Variants in ADAMTS16 observed in about 807,000 individuals in gnomAD.
ADAMTS16 encodes the protein A disintegrin and metalloproteinase with thrombospondin motifs 16.
A neutral mutation model predicts 145.8 loss-of-function variants in ADAMTS16; 94 were observed. The ratio of observed to expected loss-of-function variants is 0.64; its 90% CI spans 0.55 to 0.77. The LOEUF (loss-of-function observed/expected upper bound fraction) is 0.77, where lower values mean the gene tolerates loss of function less well. Ranked by LOEUF, ADAMTS16 falls within the 30% of genes least tolerant of loss-of-function variation. The probability of loss-of-function intolerance (pLI) is 0.00; values close to 1 mark genes in which losing one functional copy is unlikely to be tolerated. For synonymous variants in ADAMTS16, 659 were observed against 604.3 expected (o/e 1.09, Z -1.33); for missense variants, 1,585 against 1,591.5 (o/e 1.00, Z 0.07).
At chr5:5,254,114 C>T (rs1737711619) in intron 17 of ADAMTS16, among the ~76,000 whole-genome samples, 1 of 152,150 alleles carries the variant, frequency 6.6e-6, no homozygotes, top group African/African-American at 2.4e-5. Context: ...TCCCAGTTAC[C>T]TCAAAGACTT....
At chr5:5,170,740 C>T (rs1036013985) in intron 3 of ADAMTS16, among the ~76,000 whole-genome samples, 3 of 151,780 alleles carry the variant, frequency 2.0e-5, no homozygotes, top group African/African-American at 7.3e-5. Context: ...TGTTTGAGCT[C>T]CTTATATATT....
At chr5:5,295,765 G>A (rs191746081) in intron 18 of ADAMTS16, among the ~76,000 whole-genome samples, 19 of 152,338 alleles carry the variant, frequency 1.2e-4, no homozygotes, top group Admixed American at 5.2e-4. Context: ...AATAGATCCA[G>A]AGAATACTCT....
intron 17 of ADAMTS16, among the ~76,000 whole-genome samples, chr5:5,245,966 A>G (rs1737427864): frequency 6.6e-6 from 1 of 152,192 alleles, no homozygotes; most frequent in Non-Finnish European, 1.5e-5. Flanking sequence ...GTAATGGGAC[A>G]TAAAACTCAA....
chr5:5,145,426 A>G (rs1475269340), intron 2 of ADAMTS16, among the ~76,000 whole-genome samples: 1 of 152,188 alleles, frequency 6.6e-6, no homozygotes, highest in Non-Finnish European at 1.5e-5. Flanking sequence ...TGCACTGAAT[A>G]TTCAGTGATG....
rs571263521 is a variant in ADAMTS16 at position 5,318,232 on chromosome 5, G to A, written c.3510G>A (p.Ser1170=). The A allele has an allele frequency of 8.6e-5, 135 of 1,563,034 alleles. 1 individual carries two copies. Among genetic ancestry groups the A allele is most frequent in the East Asian group, 1.2e-4 (5 of 42,838 alleles). ...GCTGCCTCCTGCACCAGAAGCCTTC[G>A]GCCTCCCTGGCCTGCAACACTCACT... ...ASGCLLHQKP[S]ASLACNTHFC... Residue 1170 remains serine (S), a synonymous_variant, in exon 22 of 23, where the codon TCG becomes TCA. Coordinates refer to ENST00000274181, the MANE Select transcript of ADAMTS16 (RefSeq NM_139056.4).
intron 18 of ADAMTS16, among the ~76,000 whole-genome samples, chr5:5,286,433 A>G (rs766127170): frequency 3.3e-5 from 5 of 152,212 alleles, no homozygotes; most frequent in African/African-American, 7.2e-5. Flanking sequence ...GATTCATTTG[A>G]TAAGTTTTGT....
intron 18 of ADAMTS16, among the ~76,000 whole-genome samples, chr5:5,300,813 C>T (rs1368764983): frequency 6.6e-6 from 1 of 152,184 alleles, no homozygotes; most frequent in Non-Finnish European, 1.5e-5. Context: ...CCCTGGAGAA[C>T]TTGAGGAAAG....
chr5:5,165,529 G>C (rs1579282649), intron 3 of ADAMTS16, among the ~76,000 whole-genome samples: 1 of 152,204 alleles, frequency 6.6e-6, no homozygotes, highest in African/African-American at 2.4e-5. Flanking sequence ...ATGACTAAGA[G>C]AAGAACTATT....
rs561673679 is a variant in ADAMTS16 at position 5,279,125 on chromosome 5, C to T, written c.2789+16342C>T. On this transcript the variant is annotated intron_variant, in intron 18 of 22. Transcript: ENST00000274181. ...TGCACTCCTCATTCCCAGTGCTGCC[C>T]TCCTTGTTCCAGCCCAGGCCTGTCA... Among the ~76,000 whole-genome samples, 4 of 152,290 alleles carry T rather than the reference C, an allele frequency of 2.6e-5. No homozygotes were observed. In the South Asian group the frequency reaches 6.2e-4, roughly 24 times the overall value.
At chr5:5,141,161 C>T (rs1326154695) in intron 2 of ADAMTS16, among the ~76,000 whole-genome samples, 1 of 152,196 alleles carries the variant, frequency 6.6e-6, no homozygotes, top group East Asian at 1.9e-4. Flanking sequence ...CCCAACCTTT[C>T]CTCCTTCTCC....
chr5:5,161,006 A>T (rs902182092), intron 3 of ADAMTS16, among the ~76,000 whole-genome samples: 2 of 152,230 alleles, frequency 1.3e-5, no homozygotes, highest in Non-Finnish European at 2.9e-5. Context: ...AAAATATCTT[A>T]AAAGCCCATA....
At chr5:5,181,184 C>T (rs570005703) in intron 3 of ADAMTS16, among the ~76,000 whole-genome samples, 1 of 152,286 alleles carries the variant, frequency 6.6e-6, no homozygotes, top group Non-Finnish European at 1.5e-5. Context: ...AGTTAACTCC[C>T]TGGAGTTGAA....
chr5:5,160,331 G>A (rs1734709345), intron 3 of ADAMTS16, among the ~76,000 whole-genome samples: 1 of 152,120 alleles, frequency 6.6e-6, no homozygotes, highest in African/African-American at 2.4e-5. Flanking sequence ...TGGATCTAAT[G>A]TCAATCCTAA....
intron 11 of ADAMTS16, among the ~76,000 whole-genome samples, chr5:5,227,677 G>T (rs548626777): frequency 6.6e-6 from 1 of 152,240 alleles, no homozygotes; most frequent in African/African-American, 2.4e-5. Context: ...TACTCTAACA[G>T]AAATAACAAA....
intron 17 of ADAMTS16, among the ~76,000 whole-genome samples, chr5:5,249,005 A>G (rs1473860064): frequency 6.6e-6 from 1 of 152,230 alleles, no homozygotes; most frequent in Non-Finnish European, 1.5e-5. Flanking sequence ...ATTGGCTTAC[A>G]TAATTCACTG....
At chr5:5,316,566 T>G (rs1017241159) in intron 21 of ADAMTS16, among the ~76,000 whole-genome samples, 3 of 152,178 alleles carry the variant, frequency 2.0e-5, no homozygotes, top group African/African-American at 7.2e-5. Flanking sequence ...TGGGTCCTGC[T>G]CATGTTCTGT....
chr5:5,254,578 G>T (rs138089284), intron 17 of ADAMTS16, among the ~76,000 whole-genome samples: 48 of 152,082 alleles, frequency 3.2e-4, no homozygotes, highest in African/African-American at 1.2e-3. Flanking sequence ...TCCATCTGTT[G>T]TCTGTTTCAT....
At chr5:5,255,176 G>A (rs982405963) in intron 17 of ADAMTS16, among the ~76,000 whole-genome samples, 1 of 151,874 alleles carries the variant, frequency 6.6e-6, no homozygotes, top group African/African-American at 2.4e-5. Flanking sequence ...TCTTCTACAT[G>A]TAAATATTTT....
intron 8 of ADAMTS16, among the ~76,000 whole-genome samples, chr5:5,194,266 T>C (rs887098016): frequency 1.3e-5 from 2 of 152,046 alleles, no homozygotes; most frequent in African/African-American, 4.8e-5. Context: ...CTGACCATGT[T>C]GAGAAAATAG....
Sources: allele counts gnomAD v4.1 joint callset (sites outside exome capture counted in the v4.1 genomes callset), GRCh38; gene constraint gnomAD v4.1.1; transcripts MANE v1.5; gene names NCBI Gene and HGNC (gene_info 2026-07-23, HGNC 2026-07-21).